EML4: variants seen among roughly 807,000 people sequenced by gnomAD.
EML4 encodes the protein EMAP like 4.
A neutral mutation model predicts 129.0 loss-of-function variants in EML4; 72 were observed. The observed-to-expected ratio is 0.56, with a 90% CI of 0.46 to 0.68. The LOEUF is 0.68. Ranked by LOEUF, EML4 falls within the 30% of genes least tolerant of loss-of-function variation. The pLI, the probability that EML4 is intolerant of heterozygous loss-of-function variation, is 0.00. For missense variants in EML4, 1,363 were observed against 1,190.6 expected (o/e 1.14, Z -2.13); for synonymous variants, 532 against 405.0 (o/e 1.31, Z -3.77).
intron 1 of EML4, among the ~76,000 whole-genome samples, chr2:42,218,115 G>T (rs1465325002): frequency 6.6e-6 from 1 of 152,098 alleles, no homozygotes; most frequent in Non-Finnish European, 1.5e-5. Context: ...ATCTGTATTT[G>T]CAGCCGCTCC....
At chr2:42,199,679 C>A (rs1390251812) in intron 1 of EML4, among the ~76,000 whole-genome samples, 1 of 152,018 alleles carries the variant, frequency 6.6e-6, no homozygotes, top group South Asian at 2.1e-4. Flanking sequence ...TGTAAAGGAT[C>A]TAGAGAAGTT....
intron 1 of EML4, among the ~76,000 whole-genome samples, chr2:42,203,495 C>G (rs1439729059): frequency 6.6e-6 from 1 of 152,140 alleles, no homozygotes; most frequent in Admixed American, 6.5e-5. Context: ...ACAAAGTTCA[C>G]ATGAACTTTA....
At chr2:42,202,262 C>A (rs1374653383) in intron 1 of EML4, among the ~76,000 whole-genome samples, 1 of 152,028 alleles carries the variant, frequency 6.6e-6, no homozygotes, top group African/African-American at 2.4e-5. Context: ...TATTGTAGGC[C>A]AGGTGCAGTG....
intron 1 of EML4, among the ~76,000 whole-genome samples, chr2:42,219,707 C>T (rs1261397965): frequency 1.3e-5 from 2 of 151,990 alleles, no homozygotes; most frequent in Non-Finnish European, 2.9e-5. Flanking sequence ...TACTTGACAT[C>T]AGGACTTCAA....
rs370565194 is a variant in EML4, at chr2:42,277,906, A to G, written c.668-2944A>G. Among the ~76,000 whole-genome samples the G allele has an allele frequency of 2.0e-5, 3 of 152,230 alleles. No homozygotes were observed. The East Asian group carries it at 5.8e-4, about 29-fold the overall frequency. On this transcript the variant is annotated intron_variant, in intron 6 of 22. Transcript: ENST00000318522. ...AATCTGACTGAAGAAATACTTGCAGACATTCAAGAAGTAATTAATCTTTCC... is the reference window on the plus strand; with the variant it reads ...AATCTGACTGAAGAAATACTTGCAGGCATTCAAGAAGTAATTAATCTTTCC...
intron 9 of EML4, chr2:42,285,935 G>T (rs1667282128): frequency 3.6e-6 from 1 of 278,702 alleles, no homozygotes; most frequent in East Asian, 7.5e-5. Context: ...CTTTGGGCAA[G>T]TTATTTAAAT....
chr2:42,216,234 T>C (rs1273694760), intron 1 of EML4, among the ~76,000 whole-genome samples: 4 of 111,084 alleles, frequency 3.6e-5, no homozygotes, highest in African/African-American at 1.5e-4. Context: ...CCACTTCTTT[T>C]TTTTTTTTTT....
intron 11 of EML4, among the ~76,000 whole-genome samples, chr2:42,293,799 C>T (rs1161743552): frequency 6.6e-6 from 1 of 151,994 alleles, no homozygotes; most frequent in Non-Finnish European, 1.5e-5. Context: ...TTAGTAGAGA[C>T]GGGGTTTCAC....
intron 14 of EML4, 44 bp from the exon 15 acceptor site, chr2:42,303,060 T>C: frequency 6.3e-7 from 1 of 1,586,690 alleles, no homozygotes; most frequent in Non-Finnish European, 8.6e-7. Context: ...TAGTAATTAA[T>C]GCATATTAGT....
intron 6 of EML4, among the ~76,000 whole-genome samples, chr2:42,273,523 C>G (rs1335886151): frequency 6.6e-6 from 1 of 152,086 alleles, no homozygotes; most frequent in African/African-American, 2.4e-5. Context: ...TTAACAGGTG[C>G]ACAAGACATG....
chr2:42,219,903 G>A (rs1229013575), intron 1 of EML4, among the ~76,000 whole-genome samples: 3 of 150,380 alleles, frequency 2.0e-5, no homozygotes, highest in Non-Finnish European at 4.4e-5. Flanking sequence ...TGCAGCCTGG[G>A]CGACAGAAGG....
In EML4 at chr2:42,303,123, C is replaced by G. The variant is rs757668629; in HGVS notation, c.1661C>G (p.Thr554Arg). ...REIEVPDQYG[T>R]IRAVAEGKAD... Reference sequence around the variant, plus strand: ...TTCTAGGTTCCTGATCAGTATGGCACAATCAGAGCTGTAGCAGAAGGAAAG... The same window carrying G: ...TTCTAGGTTCCTGATCAGTATGGCAGAATCAGAGCTGTAGCAGAAGGAAAG... The change falls in exon 15 of 23, where the codon ACA (threonine) becomes AGA (arginine). Residue 554 changes from threonine (T) to arginine (R), a missense_variant. Transcript: ENST00000318522. 2.5e-6 allele frequency: 4 copies of G among 1,613,870 alleles called. 1 individual carries two copies. The South Asian group carries it at 4.4e-5, about 18-fold the overall frequency.
chr2:42,256,675 C>T, intron 3 of EML4, 45 bp downstream of exon 3: 1 of 1,606,814 alleles, frequency 6.2e-7, no homozygotes, highest in Non-Finnish European at 8.5e-7. Flanking sequence ...GCAGAATTGT[C>T]TGAATGTGGT....
chr2:42,260,149 G>A (rs1665635158), intron 3 of EML4, among the ~76,000 whole-genome samples: 1 of 151,444 alleles, frequency 6.6e-6, no homozygotes, highest in Non-Finnish European at 1.5e-5. Flanking sequence ...ACAGGTGTGA[G>A]CCACCACACC....
intron 13 of EML4, among the ~76,000 whole-genome samples, chr2:42,300,364 T>C (rs1668213801): frequency 6.6e-6 from 1 of 152,212 alleles, no homozygotes; most frequent in African/African-American, 2.4e-5. Flanking sequence ...AGTACTATCA[T>C]CTTATTCTCA....
chr2:42,193,719 T>A (rs1303132224), intron 1 of EML4, among the ~76,000 whole-genome samples: 1 of 152,054 alleles, frequency 6.6e-6, no homozygotes, highest in Non-Finnish European at 1.5e-5. Flanking sequence ...GGGGTCTTGG[T>A]ATGTCACCTA....
chr2:42,283,021 T>G, intron 8 of EML4, 49 bp downstream of exon 8: 1 of 1,503,782 alleles, frequency 6.6e-7, no homozygotes, highest in Non-Finnish European at 8.9e-7. Context: ...AGGCCCTCAT[T>G]TTGTATTTTT....
At chr2:42,184,389 C>A (rs1027374210) in intron 1 of EML4, among the ~76,000 whole-genome samples, 1 of 111,022 alleles carries the variant, frequency 9.0e-6, no homozygotes, top group African/African-American at 3.6e-5. Flanking sequence ...CCCCCCTCCC[C>A]CCACCCCACA....
rs967410061 is a variant in EML4 at position 42,332,072 on chromosome 2, A to T, written c.*1865A>T. ...CATATATATCTGTCTGTTAGCAATG[A>T]TTATTACATCATCAGATCAGCATGT... On this transcript the variant is annotated 3_prime_UTR_variant, in exon 23 of 23. Coordinates refer to ENST00000318522, the MANE Select transcript of EML4 (RefSeq NM_019063.5). 5.4e-5 allele frequency: 12 copies of T among 222,186 alleles called. No homozygotes were observed. The highest frequency in any genetic ancestry group is 2.2e-4 in the African/African-American group (10 of 44,726). The allele number at this position is 222,186 out of a possible 1,614,324, so 13.8% of individuals were successfully genotyped here. A position where few individuals can be genotyped will look rare whatever the true frequency, so the allele number is the denominator to read the frequency against.
Sources: allele counts gnomAD v4.1 joint callset (sites outside exome capture counted in the v4.1 genomes callset), GRCh38; gene constraint gnomAD v4.1.1; transcripts MANE v1.5; gene names NCBI Gene and HGNC (gene_info 2026-07-23, HGNC 2026-07-21).